PARD3B: variants seen among roughly 807,000 people sequenced by gnomAD.
The protein encoded by PARD3B is partitioning defective 3 homolog B.
A neutral mutation model predicts 130.2 loss-of-function variants in PARD3B; 103 were observed. That is an observed-to-expected ratio of 0.79 (90% confidence interval 0.67 to 0.93). The LOEUF (loss-of-function observed/expected upper bound fraction) is 0.93. Among genes scored for constraint, PARD3B ranks in the 40% least tolerant of loss-of-function variants. The pLI is 0.00. For missense variants in PARD3B, 1,609 were observed against 1,499.2 expected (o/e 1.07, Z -1.21); for synonymous variants, 583 against 553.2 (o/e 1.05, Z -0.76).
At chr2:204,861,432 T>C (rs2045198895) in intron 2 of PARD3B, among the ~76,000 whole-genome samples, 1 of 152,108 alleles carries the variant, frequency 6.6e-6, no homozygotes, top group Non-Finnish European at 1.5e-5. Flanking sequence ...GAAAAACCAA[T>C]TCTATACATA....
chr2:204,669,902 G>A lies in PARD3B; in HGVS notation c.121-16279G>A, dbSNP rs1052515072. 1.3e-5 allele frequency among the ~76,000 whole-genome samples: 2 copies of A among 151,928 alleles called. No homozygotes were observed. Among genetic ancestry groups the A allele is most frequent in the Non-Finnish European group, 2.9e-5 (2 of 67,964 alleles). ...TTAAAGATAAAGGTAACCACTAAAG[G>A]GAATAAAAATATTTGAATAACTCTA... On this transcript the variant is annotated intron_variant, in intron 1 of 22. Transcript: ENST00000406610. The surrounding 1 kb of genome is among the most constrained non-coding windows in gnomAD (Gnocchi z 4.3).
At chr2:204,874,134 ACT>A (rs1451573794) in intron 2 of PARD3B, among the ~76,000 whole-genome samples, 1 of 152,026 alleles carries the variant, frequency 6.6e-6, no homozygotes, top group East Asian at 1.9e-4. Context: ...TGATCAAAAA[ACT>A]CTGTCTCAAA....
rs1240864224 is a variant in PARD3B at position 205,617,426 on chromosome 2, A to G, written c.*1613A>G. ...TCTGACTCACAGGATTTAATAAATT[A>G]TAGTATTATTGAATACATAGGACAT... is the stretch of plus-strand genomic sequence containing the variant. On this transcript the variant is annotated 3_prime_UTR_variant, in exon 23 of 23. Coordinates refer to ENST00000406610, the MANE Select transcript of PARD3B (RefSeq NM_001302769.2). 1.3e-5 allele frequency: 2 copies of G among 152,216 alleles called. No homozygotes were observed. The highest frequency in any genetic ancestry group is 1.9e-4 in the East Asian group (1 of 5,196). The allele number at this position is 152,216 out of a possible 1,614,324, so 9.4% of individuals were successfully genotyped here.
intron 4 of PARD3B, among the ~76,000 whole-genome samples, chr2:205,051,673 T>A (rs568103370): frequency 6.6e-6 from 1 of 152,338 alleles, no homozygotes; most frequent in South Asian, 2.1e-4. Context: ...ACACTTGTTT[T>A]CTAGCTGATT....
intron 21 of PARD3B, among the ~76,000 whole-genome samples, chr2:205,522,590 TA>T (rs11360165): frequency 0.45 from 68,950 of 151,916 alleles, 16,190 homozygotes; most frequent in East Asian, 0.58. Flanking sequence ...TATAGTATTA[TA>T]ATTCCAGGCA....
At chr2:204,598,735 C>T (rs1559177051) in intron 1 of PARD3B, among the ~76,000 whole-genome samples, 1 of 151,984 alleles carries the variant, frequency 6.6e-6, no homozygotes, top group East Asian at 1.9e-4. Context: ...CAGTAACAAA[C>T]ACTCTGTAGT....
In PARD3B at chr2:205,558,709, G is replaced by A. The variant is rs776298734; in HGVS notation, c.3260+5306G>A. ...CTCCATTCCTGCCAATTCAATGCCC[G>A]TCTCTATGATGATTCCAAAAGTACC... On this transcript the variant is annotated intron_variant, in intron 22 of 22. Coordinates refer to ENST00000406610, the MANE Select transcript of PARD3B (RefSeq NM_001302769.2). The surrounding 1 kb of genome is among the most constrained non-coding windows in gnomAD (Gnocchi z 4.8). 6.6e-5 allele frequency among the ~76,000 whole-genome samples: 10 copies of A among 151,940 alleles called. No individual in the cohort carries two copies. The South Asian group carries it at 8.3e-4, about 13-fold the overall frequency.
At chr2:205,080,366 C>T (rs553789093) in intron 4 of PARD3B, among the ~76,000 whole-genome samples, 2 of 152,146 alleles carry the variant, frequency 1.3e-5, no homozygotes, top group South Asian at 4.2e-4. Context: ...TGGTTATCTT[C>T]AGATTAATTG....
chr2:205,445,397 G>C (rs2047872130), intron 20 of PARD3B, among the ~76,000 whole-genome samples: 1 of 152,148 alleles, frequency 6.6e-6, no homozygotes. Context: ...TGTCCAGGAA[G>C]CATGATGCTG....
At chr2:204,947,980 A>G (rs13394155) in intron 2 of PARD3B, among the ~76,000 whole-genome samples, 5,811 of 152,284 alleles carry the variant, frequency 0.038, 191 homozygotes, top group African/African-American at 0.079. Flanking sequence ...ATAATTAAGT[A>G]TCAGGTCTCT....
rs1318690251 is a variant in PARD3B, at chr2:204,616,526, A to ATACTGGTGGG, written c.121-69655_121-69654insTACTGGTGGG. Among the ~76,000 whole-genome samples, 25 of 152,340 alleles carry ATACTGGTGGG rather than the reference A, an allele frequency of 1.6e-4. No homozygotes were observed. The East Asian group carries it at 4.6e-3, about 28-fold the overall frequency. ...CTCGTTCATTACTGGTGGGAACGCA[A>ATACTGGTGGG]AATGAAACAGCCACTTTGGAAGACA... On this transcript the variant is annotated intron_variant, in intron 1 of 22. Coordinates refer to ENST00000406610, the MANE Select transcript of PARD3B (RefSeq NM_001302769.2).
rs1190894705 is a variant in PARD3B at position 205,057,589 on chromosome 2, G to GTA, written c.504+9906_504+9907dup. On this transcript the variant is annotated intron_variant, in intron 4 of 22. Coordinates refer to ENST00000406610, the MANE Select transcript of PARD3B (RefSeq NM_001302769.2). Reference sequence around the variant, plus strand: ...TATATGTATATGTGTATGTGTATACGTATATATACATATATGTGTATGTGT... The same window carrying GTA: ...TATATGTATATGTGTATGTGTATACGTATATATATACATATATGTGTATGTGT... 3.0e-3 allele frequency among the ~76,000 whole-genome samples: 357 copies of GTA among 119,066 alleles called. 37 individuals are homozygous for GTA. Among genetic ancestry groups the GTA allele is most frequent in the Admixed American group, 0.011 (114 of 10,424 alleles). 78.1% of individuals were successfully genotyped at this position (119,066 alleles called of 152,430 possible). A position where few individuals can be genotyped will look rare whatever the true frequency, so the allele number is the denominator to read the frequency against.
intron 20 of PARD3B, among the ~76,000 whole-genome samples, chr2:205,469,707 C>T (rs1402867416): frequency 6.6e-6 from 1 of 152,188 alleles, no homozygotes; most frequent in African/African-American, 2.4e-5. Flanking sequence ...TGGTATTGCT[C>T]TCTAACCATT....
In PARD3B at chr2:204,664,247, A is replaced by G. The variant is rs1436349136; in HGVS notation, c.121-21934A>G. Among the ~76,000 whole-genome samples, 4 of 152,284 alleles carry G rather than the reference A, an allele frequency of 2.6e-5. No homozygotes were observed. The South Asian group carries it at 6.2e-4, about 24-fold the overall frequency. ...CAAGGCAGAAAATATTTGGGGTGAT[A>G]AGATTGAATATGGAATAGAGCATCA... On this transcript the variant is annotated intron_variant, in intron 1 of 22. Transcript: ENST00000406610. This position sits in a 1 kb window ranked among gnomAD's most constrained non-coding sequence, Gnocchi z 5.2.
chr2:204,854,972 G>A lies in PARD3B; in HGVS notation c.223-110180G>A, dbSNP rs573750157. Among the ~76,000 whole-genome samples the A allele has an allele frequency of 3.6e-4, 55 of 152,194 alleles. 1 individual carries two copies. Among genetic ancestry groups the A allele is most frequent in the Middle Eastern group, 3.4e-3 (1 of 294 alleles). Reference sequence around the variant, plus strand: ...AAAAGGACCAGTGGGCGGTGGATGCGCTGAATTTTATAGTCAGGTTTGAGG... The same window carrying A: ...AAAAGGACCAGTGGGCGGTGGATGCACTGAATTTTATAGTCAGGTTTGAGG... On this transcript the variant is annotated intron_variant, in intron 2 of 22. Transcript: ENST00000406610.
At chr2:205,305,610 T>C (rs1437272234) in intron 18 of PARD3B, among the ~76,000 whole-genome samples, 3 of 152,202 alleles carry the variant, frequency 2.0e-5, no homozygotes, top group Admixed American at 6.5e-5. Context: ...ATTTTGTCTT[T>C]GAAGGGATGG....
intron 2 of PARD3B, among the ~76,000 whole-genome samples, chr2:204,876,998 C>G (rs887543043): frequency 3.3e-5 from 5 of 152,130 alleles, no homozygotes; most frequent in Non-Finnish European, 7.3e-5. Flanking sequence ...GGAATCGCCA[C>G]ACACTCTAGA....
At chr2:204,920,375 C>T (rs950533166) in intron 2 of PARD3B, among the ~76,000 whole-genome samples, 2 of 152,158 alleles carry the variant, frequency 1.3e-5, no homozygotes, top group Admixed American at 6.5e-5. Context: ...TTTCAAGAAG[C>T]AAACCACCAA....
intron 15 of PARD3B, among the ~76,000 whole-genome samples, chr2:205,198,318 T>C (rs1389163318): frequency 1.3e-5 from 2 of 152,206 alleles, no homozygotes; most frequent in Non-Finnish European, 2.9e-5. Flanking sequence ...AAGTGATGCA[T>C]GAGGCATTCA....
Sources: gnomAD v4.1 joint callset for allele counts (sites outside exome capture counted in the v4.1 genomes callset) on GRCh38, gnomAD v4.1.1 for gene constraint, Gnocchi (gnomAD v3.1) non-coding constraint, MANE v1.5 for transcripts, NCBI Gene and HGNC (gene_info 2026-07-23, HGNC 2026-07-21) for gene names.